Variants in ATP2C1 observed in about 807,000 individuals in gnomAD.
ATP2C1 encodes calcium-transporting ATPase type 2C member 1.
Under a neutral mutation model 120.5 loss-of-function variants are expected in ATP2C1, and 31 were observed. The ratio of observed to expected loss-of-function variants is 0.26; its 90% confidence interval spans 0.19 to 0.35. The LOEUF (loss-of-function observed/expected upper bound fraction) is 0.35, where lower values mean the gene tolerates loss of function less well. Among genes scored for constraint, ATP2C1 ranks in the 10% least tolerant of loss-of-function variants. ATP2C1 has a pLI of 1.00. For synonymous variants in ATP2C1, 351 were observed against 358.7 expected (o/e 0.98, Z 0.24); for missense variants, 731 against 1,107.5 (o/e 0.66, Z 4.83).
intron 21 of ATP2C1, among the ~76,000 whole-genome samples, chr3:130,993,715 A>G (rs1480194920): frequency 6.6e-6 from 1 of 152,178 alleles, no homozygotes; most frequent in Non-Finnish European, 1.5e-5. Flanking sequence ...GAATTTAGAG[A>G]TACAGTTCTC....
At chr3:130,976,550 T>G (rs1331686740) in intron 18 of ATP2C1, among the ~76,000 whole-genome samples, 1 of 152,126 alleles carries the variant, frequency 6.6e-6, no homozygotes, top group Non-Finnish European at 1.5e-5. Context: ...ATTTTGCAAA[T>G]GGATATTTTG....
intron 8 of ATP2C1, among the ~76,000 whole-genome samples, chr3:130,951,946 CTG>C (rs1308283479): frequency 6.6e-6 from 1 of 151,842 alleles, no homozygotes; most frequent in Non-Finnish European, 1.5e-5. Flanking sequence ...CTATTGTAAA[CTG>C]TTATTTTTGC....
chr3:130,884,316 T>C (rs1240485078), intron 1 of ATP2C1, among the ~76,000 whole-genome samples: 1 of 152,242 alleles, frequency 6.6e-6, no homozygotes. Flanking sequence ...TGTATAGTTT[T>C]CAAAATTCCT....
At chr3:130,952,077 C>G (rs895992103) in intron 8 of ATP2C1, among the ~76,000 whole-genome samples, 1 of 152,154 alleles carries the variant, frequency 6.6e-6, no homozygotes, top group African/African-American at 2.4e-5. Flanking sequence ...CCTTGGAGCT[C>G]TCAGGTCTGT....
intron 26 of ATP2C1, among the ~76,000 whole-genome samples, chr3:131,011,688 G>T (rs2063322701): frequency 6.6e-6 from 1 of 152,188 alleles, no homozygotes; most frequent in Non-Finnish European, 1.5e-5. Flanking sequence ...TTTCCTTATT[G>T]TAGTATTCAG....
At chr3:131,013,868 C>T (rs1257529759) in intron 26 of ATP2C1, 1 of 504,726 alleles carries the variant, frequency 2.0e-6, no homozygotes, top group East Asian at 3.3e-5. Context: ...TTTAGAAATA[C>T]AGAAGCTTCT....
chr3:130,881,355 C>T (rs1399985706), intron 1 of ATP2C1, among the ~76,000 whole-genome samples: 1 of 151,836 alleles, frequency 6.6e-6, no homozygotes, highest in African/African-American at 2.4e-5. Flanking sequence ...TTCTCCTCCT[C>T]CTCCTCCTCC....
At chr3:131,007,034 T>G (rs1312441161), downstream of ATP2C1, among the ~76,000 whole-genome samples, 1 of 152,196 alleles carries the variant, frequency 6.6e-6, no homozygotes. Flanking sequence ...GATTTTATGT[T>G]TTAGAAAGCA....
intron 1 of ATP2C1, among the ~76,000 whole-genome samples, chr3:130,851,171 T>G (rs1420446692): frequency 6.6e-6 from 1 of 152,218 alleles, no homozygotes; most frequent in African/African-American, 2.4e-5. Context: ...CTTTCTTTCT[T>G]CTAAAGAGCT....
At chr3:131,016,363 G>A (rs1420302410) in exon 27 of ATP2C1, 1 of 1,613,494 alleles carries the variant, frequency 6.2e-7, no homozygotes, top group Non-Finnish European at 8.5e-7. Context: ...CAGCCCAAGG[G>A]CAGTATTTCT....
intron 1 of ATP2C1, among the ~76,000 whole-genome samples, chr3:130,865,651 T>C (rs891613282): frequency 6.6e-6 from 1 of 152,184 alleles, no homozygotes; most frequent in Non-Finnish European, 1.5e-5. Flanking sequence ...TGAATAAGTC[T>C]CACAAGGTCT....
chr3:130,993,875 G>A, intron 21 of ATP2C1, 57 bp from the exon 22 acceptor site: 1 of 1,583,978 alleles, frequency 6.3e-7, no homozygotes, highest in East Asian at 2.2e-5. Flanking sequence ...CGCTTTGTAT[G>A]GAAGCAACAT....
chr3:131,009,372 T>C (rs917896809), intron 26 of ATP2C1, among the ~76,000 whole-genome samples: 4 of 152,212 alleles, frequency 2.6e-5, no homozygotes, highest in African/African-American at 9.6e-5. Context: ...TATTTATATT[T>C]TGAGAGAAAG....
chr3:130,859,281 G>C (rs7649107), intron 1 of ATP2C1, among the ~76,000 whole-genome samples: 6,757 of 152,220 alleles, frequency 0.044, 502 homozygotes, highest in African/African-American at 0.15. Context: ...AAATGCCTTT[G>C]GTGATTAGAG....
chr3:130,869,429 T>TAAAAAAAAAAAAAAAAAAA (rs762137045), intron 1 of ATP2C1: 12 of 106,628 alleles, frequency 1.1e-4, no homozygotes, highest in Admixed American at 3.0e-4. Flanking sequence ...CAATAAAAAA[T>TAAAAAAAAAAAAAAAAAAA]AAAAAAAAAA....
At chr3:130,921,196 C>T (rs535069748) in intron 2 of ATP2C1, among the ~76,000 whole-genome samples, 1 of 151,464 alleles carries the variant, frequency 6.6e-6, no homozygotes, top group African/African-American at 2.4e-5. Flanking sequence ...ATTCTCCTGC[C>T]TCAGCCTCCG....
intron 12 of ATP2C1, among the ~76,000 whole-genome samples, chr3:130,961,032 G>C (rs2060795304): frequency 6.7e-6 from 1 of 149,966 alleles, no homozygotes; most frequent in Admixed American, 6.6e-5. Flanking sequence ...GAATCAGAAT[G>C]AATAAGAAGT....
chr3:130,893,697 G>A (rs1405588229), upstream of ATP2C1, among the ~76,000 whole-genome samples: 4 of 152,222 alleles, frequency 2.6e-5, no homozygotes, highest in African/African-American at 9.6e-5. Context: ...TCTCAGCTTG[G>A]GCCGACCCCG....
intron 2 of ATP2C1, among the ~76,000 whole-genome samples, chr3:130,903,739 T>TTCCTTTCCTTTCCTTTCCTTTCCTTTC (rs2057986748): frequency 1.4e-5 from 2 of 146,968 alleles, no homozygotes; most frequent in African/African-American, 5.0e-5. Flanking sequence ...TTCCTTTCCA[T>TTCCTTTCCTTTCCTTTCCTTTCCTTTC]CTTCTGTATT....
Sources: allele counts gnomAD v4.1 joint callset (sites outside exome capture counted in the v4.1 genomes callset), GRCh38; gene constraint gnomAD v4.1.1; transcripts MANE v1.5; gene names NCBI Gene and HGNC (gene_info 2026-07-23, HGNC 2026-07-21).